Variants in CACNA1E observed in about 807,000 individuals in gnomAD.
CACNA1E encodes the protein voltage-dependent R-type calcium channel subunit alpha-1E.
In CACNA1E, 40 loss-of-function variants were observed where a neutral mutation model predicts 259.2. The observed-to-expected ratio is 0.15, with a 90% CI of 0.12 to 0.20. CACNA1E has a LOEUF of 0.20. Among genes scored for constraint, CACNA1E ranks in the 10% least tolerant of loss-of-function variants. The pLI is 1.00. For missense variants in CACNA1E, 1,874 were observed against 3,040.1 expected, an observed-to-expected ratio of 0.62 and a Z score of 9.02; for synonymous variants, 1,104 against 1,138.5, an observed-to-expected ratio of 0.97 and a Z score of 0.61.
chr1:181,432,106 C>G (rs551923034), intron 2 of CACNA1E, among the ~76,000 whole-genome samples: 1 of 152,342 alleles, frequency 6.6e-6, no homozygotes, highest in Middle Eastern at 3.4e-3. Context: ...CACCTAGTAA[C>G]TTCTGATGAT....
At chr1:181,590,437 T>TATATATATATATA (rs1558159851) in intron 6 of CACNA1E, among the ~76,000 whole-genome samples, 7 of 143,412 alleles carry the variant, frequency 4.9e-5, no homozygotes, top group African/African-American at 2.0e-4. Flanking sequence ...ATATATATAT[T>TATATATATATATA]GTATTTGACT....
rs954698212 is a variant in CACNA1E at position 181,804,454 on chromosome 1, AG to A, written c.*5621del. ...TAATGAAGAACTGCCCCAAAACTTC[AG>A]TGAAAGCCAAGGAGGTACAGAATTT... is the stretch of plus-strand genomic sequence containing the variant. On this transcript the variant is annotated 3_prime_UTR_variant, in exon 48 of 48. Transcript: ENST00000367573. The A allele has an allele frequency of 6.6e-6, 1 of 152,246 alleles. No individual in the cohort carries two copies. Among genetic ancestry groups the A allele is most frequent in the Non-Finnish European group, 1.5e-5 (1 of 68,034 alleles). 9.4% of individuals were successfully genotyped at this position (152,246 alleles called of 1,614,324 possible).
At chr1:181,463,853 C>T (rs1420857728) in intron 2 of CACNA1E, among the ~76,000 whole-genome samples, 1 of 151,944 alleles carries the variant, frequency 6.6e-6, no homozygotes, top group Admixed American at 6.6e-5. Flanking sequence ...TTCATCTTCT[C>T]TCATTAAAAA....
chr1:181,636,642 A>C (rs376563413), intron 6 of CACNA1E, among the ~76,000 whole-genome samples: 1 of 152,212 alleles, frequency 6.6e-6, no homozygotes, highest in African/African-American at 2.4e-5. Flanking sequence ...TCGGAGAATC[A>C]GTGCACCCCA....
intron 7 of CACNA1E, among the ~76,000 whole-genome samples, chr1:181,662,612 T>A (rs1403633136): frequency 1.3e-5 from 2 of 152,224 alleles, no homozygotes; most frequent in Non-Finnish European, 2.9e-5. Context: ...AGATAATACA[T>A]GTTAAGTGTT....
At chr1:181,649,811 A>G (rs1044131621) in intron 6 of CACNA1E, among the ~76,000 whole-genome samples, 4 of 152,184 alleles carry the variant, frequency 2.6e-5, no homozygotes, top group African/African-American at 9.7e-5. Context: ...ATGAGAACAC[A>G]TGGACATATA....
intron 1 of CACNA1E, among the ~76,000 whole-genome samples, chr1:181,505,909 T>C (rs1205777171): frequency 6.6e-6 from 1 of 152,206 alleles, no homozygotes; most frequent in Non-Finnish European, 1.5e-5. Context: ...GGCCCCACTG[T>C]GTGCCAAGTA....
At chr1:181,541,729 AG>A (rs1242457104) in intron 3 of CACNA1E, among the ~76,000 whole-genome samples, 2 of 152,216 alleles carry the variant, frequency 1.3e-5, no homozygotes, top group Non-Finnish European at 2.9e-5. Context: ...ACATTCTTCA[AG>A]GAGTATTAGA....
At chr1:181,577,968 C>A (rs889509397) in intron 4 of CACNA1E, 99 bp downstream of exon 4, 6 of 716,158 alleles carry the variant, frequency 8.4e-6, no homozygotes, top group Admixed American at 4.8e-5. Flanking sequence ...AAACAATATT[C>A]CTCCTGGGAG....
Position 181,491,847 on chromosome 1 carries a change from T to C in CACNA1E, c.266+7837T>C, listed in dbSNP as rs543441122. 7.5e-4 allele frequency among the ~76,000 whole-genome samples: 114 copies of C among 152,310 alleles called. 1 individual carries two copies. The highest frequency in any genetic ancestry group is 2.7e-3 in the Admixed American group (41 of 15,306). ...ATGGTGAGCATTCAGTAAACTTTTG[T>C]TGGATGATTTATACCCAAATTGGCT... is the stretch of plus-strand genomic sequence containing the variant. On this transcript the variant is annotated intron_variant, in intron 1 of 47. Transcript: ENST00000367573.
chr1:181,458,065 G>A (rs1348898467), intron 2 of CACNA1E, among the ~76,000 whole-genome samples: 2 of 152,218 alleles, frequency 1.3e-5, no homozygotes, highest in African/African-American at 4.8e-5. Flanking sequence ...CTTCTCCAGT[G>A]CCTTTTCCTG....
At chr1:181,537,095 C>CTTTTTTTTTTTTT (rs201514362) in intron 3 of CACNA1E, among the ~76,000 whole-genome samples, 1 of 112,628 alleles carries the variant, frequency 8.9e-6, no homozygotes, top group Non-Finnish European at 1.7e-5. Flanking sequence ...TTTTTCTTTT[C>CTTTTTTTTTTTTT]TTTTTTTTTT....
At chr1:181,640,986 C>T (rs941290426) in intron 6 of CACNA1E, among the ~76,000 whole-genome samples, 1 of 152,124 alleles carries the variant, frequency 6.6e-6, no homozygotes, top group Non-Finnish European at 1.5e-5. Context: ...AAAGAAGGTC[C>T]ATAAATAAGT....
chr1:181,548,120 T>A (rs1647697922), intron 3 of CACNA1E, among the ~76,000 whole-genome samples: 1 of 90,964 alleles, frequency 1.1e-5, no homozygotes, highest in Non-Finnish European at 2.3e-5. Context: ...CCCATAACAC[T>A]TTTTTTTTCT....
chr1:181,734,897 C>T (rs1291551476), intron 21 of CACNA1E, among the ~76,000 whole-genome samples: 2 of 152,098 alleles, frequency 1.3e-5, no homozygotes. Context: ...CACACCCTAT[C>T]CTTGCCCTGA....
intron 1 of CACNA1E, among the ~76,000 whole-genome samples, chr1:181,499,178 T>A (rs1484123353): frequency 6.6e-6 from 1 of 152,206 alleles, no homozygotes; most frequent in Non-Finnish European, 1.5e-5. Flanking sequence ...AATAGATGGA[T>A]GCTTAGGCAA....
At chr1:181,319,608 T>A (rs1245129100) in intron 1 of CACNA1E, among the ~76,000 whole-genome samples, 1 of 152,224 alleles carries the variant, frequency 6.6e-6, no homozygotes, top group Admixed American at 6.5e-5. Context: ...CACTTTGTAG[T>A]ATAGTGTAAT....
intron 7 of CACNA1E, among the ~76,000 whole-genome samples, chr1:181,697,393 C>G (rs1271949858): frequency 6.6e-6 from 1 of 152,170 alleles, no homozygotes; most frequent in Non-Finnish European, 1.5e-5. Flanking sequence ...GAGCTAGTAT[C>G]AGGTATTTTG....
chr1:181,375,136 G>C lies in CACNA1E; in HGVS notation c.-14-37997G>C, dbSNP rs146726557. On this transcript the variant is annotated intron_variant, in intron 1 of 11. Coordinates refer to the CACNA1E transcript ENST00000524607. ...CTAGAATAAGAAGAGAACACAATTAGTCACAGGTGTCACATTTTTAGAAGG... is the reference window on the plus strand; with the variant it reads ...CTAGAATAAGAAGAGAACACAATTACTCACAGGTGTCACATTTTTAGAAGG... Among the ~76,000 whole-genome samples the C allele has an allele frequency of 3.1e-3, 477 of 152,258 alleles. 3 individuals are homozygous for C. The highest frequency in any genetic ancestry group is 0.011 in the African/African-American group (466 of 41,544).
Sources: allele counts gnomAD v4.1 joint callset (sites outside exome capture counted in the v4.1 genomes callset), GRCh38; gene constraint gnomAD v4.1.1; transcripts MANE v1.5; gene names NCBI Gene and HGNC (gene_info 2026-07-23, HGNC 2026-07-21).